CNTN4: variants seen among roughly 807,000 people sequenced by gnomAD.
CNTN4 encodes the protein contactin-4.
In CNTN4, 77 loss-of-function variants were observed where a neutral mutation model predicts 122.5. The ratio of observed to expected loss-of-function variants is 0.63; its 90% CI spans 0.52 to 0.76. The LOEUF (loss-of-function observed/expected upper bound fraction) is 0.76, where lower values mean the gene tolerates loss of function less well. Ranked by LOEUF, CNTN4 falls within the 30% of genes least tolerant of loss-of-function variation. The probability of loss-of-function intolerance (pLI) is 0.00; values close to 1 mark genes in which losing one functional copy is unlikely to be tolerated. For missense variants in CNTN4, 1,256 were observed against 1,259.1 expected, an observed-to-expected ratio of 1.00 and a Z score of 0.04; for synonymous variants, 512 against 447.0, an observed-to-expected ratio of 1.15 and a Z score of -1.83.
intron 6 of CNTN4, among the ~76,000 whole-genome samples, chr3:2,751,844 T>TG (rs2090109168): frequency 6.6e-6 from 1 of 150,840 alleles, no homozygotes; most frequent in Non-Finnish European, 1.5e-5. Flanking sequence ...CAAATCCTCA[T>TG]TTTTTTTTAA....
chr3:2,316,967 C>A (rs1433111190), intron 2 of CNTN4, among the ~76,000 whole-genome samples: 1 of 152,164 alleles, frequency 6.6e-6, no homozygotes, highest in Non-Finnish European at 1.5e-5. Context: ...CCTTTTGTGA[C>A]TTCATTTTCC....
intron 2 of CNTN4, among the ~76,000 whole-genome samples, chr3:2,338,060 T>C (rs2044028102): frequency 6.6e-6 from 1 of 152,152 alleles, no homozygotes; most frequent in African/African-American, 2.4e-5. Context: ...AATGTGAATA[T>C]ATAATTTTTC....
intron 13 of CNTN4, among the ~76,000 whole-genome samples, chr3:2,976,918 G>A (rs1451307587): frequency 1.3e-5 from 2 of 151,678 alleles, no homozygotes; most frequent in African/African-American, 2.4e-5. Context: ...TTGCTATCAG[G>A]TAGGTCTATA....
At chr3:2,626,569 TC>T (rs2082199528) in intron 4 of CNTN4, among the ~76,000 whole-genome samples, 1 of 151,140 alleles carries the variant, frequency 6.6e-6, no homozygotes, top group African/African-American at 2.4e-5. Flanking sequence ...CTAAATAAAA[TC>T]CCCTTATATC....
At chr3:2,390,624 A>T (rs2046409232) in intron 3 of CNTN4, among the ~76,000 whole-genome samples, 2 of 152,204 alleles carry the variant, frequency 1.3e-5, no homozygotes. Flanking sequence ...TTAGAATAAC[A>T]TACAGGTTAA....
At chr3:2,256,363 C>T (rs2040591887) in intron 2 of CNTN4, among the ~76,000 whole-genome samples, 1 of 152,088 alleles carries the variant, frequency 6.6e-6, no homozygotes, top group African/African-American at 2.4e-5. Flanking sequence ...ACCAGAGGTA[C>T]AAAGAGGAAC....
Position 2,819,577 on chromosome 3 carries a change from T to G in CNTN4, c.450T>G (p.Ser150=), listed in dbSNP as rs1415827733. 1 of 1,607,986 alleles carries G rather than the reference T, an allele frequency of 6.2e-7. No homozygotes were observed. The highest frequency in any genetic ancestry group is 1.3e-5 in the African/African-American group (1 of 74,800). ...TACTGTGTGGCCCGCCACCCCATTC[T>G]GGAGGTACATATAAATGAACTGACA... The part of the protein sequence containing the change: ...MVLLCGPPPH[S]GELSYAWIFN... The change falls in exon 7 of 25, where the codon TCT becomes TCG. Residue 150 remains serine, a synonymous_variant. Coordinates refer to ENST00000418658, the MANE Select transcript of CNTN4 (RefSeq NM_175607.3).
At chr3:3,039,761 T>A in intron 19 of CNTN4, 1 of 424,510 alleles carries the variant, frequency 2.4e-6, no homozygotes, top group Non-Finnish European at 4.4e-6. Context: ...TTTTTTTTTT[T>A]ACAATCATTT....
chr3:2,994,957 G>A (rs1367797988), intron 14 of CNTN4, among the ~76,000 whole-genome samples: 1 of 152,090 alleles, frequency 6.6e-6, no homozygotes, highest in Admixed American at 6.5e-5. Flanking sequence ...AACCCAATTA[G>A]ATATCTTCCA....
At chr3:2,687,027 AAGCCAC>A (rs2085466462) in intron 4 of CNTN4, among the ~76,000 whole-genome samples, 1 of 150,824 alleles carries the variant, frequency 6.6e-6, no homozygotes, top group Non-Finnish European at 1.5e-5. Context: ...GGTGTTAATG[AAGCCAC>A]AGGTGGCCAT....
intron 6 of CNTN4, among the ~76,000 whole-genome samples, chr3:2,755,069 A>G (rs922471343): frequency 7.2e-5 from 11 of 152,106 alleles, no homozygotes; most frequent in African/African-American, 2.7e-4. Flanking sequence ...CTCACTGGGA[A>G]TTTTGGCAAC....
intron 4 of CNTN4, among the ~76,000 whole-genome samples, chr3:2,594,809 A>G (rs988356719): frequency 6.6e-6 from 1 of 152,146 alleles, no homozygotes; most frequent in South Asian, 2.1e-4. Context: ...TACCTCCTGT[A>G]ATTGTCATGT....
intron 4 of CNTN4, among the ~76,000 whole-genome samples, chr3:2,645,994 A>T (rs1190527295): frequency 6.6e-6 from 1 of 152,176 alleles, no homozygotes; most frequent in Non-Finnish European, 1.5e-5. Flanking sequence ...ACTGTAGACA[A>T]ATATTATTCT....
chr3:3,009,470 G>C (rs1322659681), intron 14 of CNTN4, among the ~76,000 whole-genome samples: 4 of 151,048 alleles, frequency 2.6e-5, no homozygotes, highest in South Asian at 2.1e-4. Context: ...GTCTTGCTCT[G>C]TCGCCCAGGC....
At chr3:2,973,883 T>C (rs966126800) in intron 13 of CNTN4, among the ~76,000 whole-genome samples, 3 of 152,190 alleles carry the variant, frequency 2.0e-5, no homozygotes, top group Admixed American at 6.5e-5. Context: ...ATTCATACCA[T>C]TGTAAGAGGA....
At chr3:2,628,749 A>G (rs1030468219) in intron 4 of CNTN4, among the ~76,000 whole-genome samples, 4 of 152,238 alleles carry the variant, frequency 2.6e-5, no homozygotes, top group Non-Finnish European at 5.9e-5. Context: ...GGTAACTGCC[A>G]TACTGAAAGA....
chr3:2,696,332 A>G (rs1189790953), intron 4 of CNTN4, among the ~76,000 whole-genome samples: 2 of 152,238 alleles, frequency 1.3e-5, no homozygotes, highest in Non-Finnish European at 1.5e-5. Flanking sequence ...CTTAATCTCC[A>G]TCATGGTGGT....
At chr3:2,985,076 G>A (rs963480015) in intron 13 of CNTN4, among the ~76,000 whole-genome samples, 3 of 152,198 alleles carry the variant, frequency 2.0e-5, no homozygotes, top group Admixed American at 6.5e-5. Flanking sequence ...TGAACAAAAG[G>A]CCTTCTTGTC....
At chr3:2,488,021 T>C (rs1433235485) in intron 3 of CNTN4, among the ~76,000 whole-genome samples, 3 of 152,178 alleles carry the variant, frequency 2.0e-5, no homozygotes, top group African/African-American at 4.8e-5. Flanking sequence ...TCTCCCTCTT[T>C]CCATTGGTGT....
Sources: allele counts gnomAD v4.1 joint callset (sites outside exome capture counted in the v4.1 genomes callset), GRCh38; gene constraint gnomAD v4.1.1; transcripts MANE v1.5; gene names NCBI Gene and HGNC (gene_info 2026-07-23, HGNC 2026-07-21).